The following SLC39A12 variants were observed in gnomAD, a reference collection of about 807,000 sequenced individuals.
The protein encoded by SLC39A12 is zinc transporter ZIP12.
Under a neutral mutation model 71.1 loss-of-function variants are expected in SLC39A12, and 63 were observed. The ratio of observed to expected loss-of-function variants is 0.89; its 90% CI spans 0.72 to 1.09. The LOEUF is 1.09. Among genes scored for constraint, SLC39A12 ranks in the 50% least tolerant of loss-of-function variants. The pLI is 0.00. For missense variants in SLC39A12, 892 were observed against 812.6 expected, an observed-to-expected ratio of 1.10 and a Z score of -1.19; for synonymous variants, 351 against 301.3, an observed-to-expected ratio of 1.16 and a Z score of -1.71.
chr10:17,967,728 C>T (rs373206560), intron 4 of SLC39A12, among the ~76,000 whole-genome samples: 1 of 148,878 alleles, frequency 6.7e-6, no homozygotes, highest in East Asian at 2.0e-4. Context: ...CTAAAAAATA[C>T]AAAAAAAAAT....
At chr10:17,952,441 T>A (rs1443486284) in intron 1 of SLC39A12, among the ~76,000 whole-genome samples, 2 of 152,116 alleles carry the variant, frequency 1.3e-5, no homozygotes, top group African/African-American at 4.8e-5. Context: ...ACTATTTTCT[T>A]CTAGTGCTTT....
At chr10:17,970,721 T>TAGAA (rs1834949300) in intron 4 of SLC39A12, among the ~76,000 whole-genome samples, 1 of 133,390 alleles carries the variant, frequency 7.5e-6, no homozygotes, top group African/African-American at 2.9e-5. Context: ...TGTGTGTAGG[T>TAGAA]GAAACATAAA....
At chr10:17,980,229 A>C (rs1275204047) in intron 5 of SLC39A12, among the ~76,000 whole-genome samples, 1 of 152,176 alleles carries the variant, frequency 6.6e-6, no homozygotes, top group Non-Finnish European at 1.5e-5. Flanking sequence ...TTCCTGATCA[A>C]GATAAAACTT....
At chr10:18,040,898 A>G (rs193233469) in intron 12 of SLC39A12, among the ~76,000 whole-genome samples, 2 of 152,150 alleles carry the variant, frequency 1.3e-5, no homozygotes, top group Admixed American at 1.3e-4. Flanking sequence ...CCCAGAGAAA[A>G]TTTGACTGTG....
chr10:17,971,262 C>CTCCCCTCCCT (rs1834966054), intron 4 of SLC39A12, among the ~76,000 whole-genome samples: 1 of 28,654 alleles, frequency 3.5e-5, no homozygotes. Flanking sequence ...TGGCCTGCCC[C>CTCCCCTCCCT]TCCCCTCCCC....
chr10:17,990,728 A>G (rs182540009), intron 7 of SLC39A12, among the ~76,000 whole-genome samples: 1 of 152,326 alleles, frequency 6.6e-6, no homozygotes, highest in Admixed American at 6.5e-5. Flanking sequence ...GCTATGGGGC[A>G]TGAGAATAAA....
chr10:18,040,382 T>G (rs148094531), intron 12 of SLC39A12, among the ~76,000 whole-genome samples: 35 of 152,282 alleles, frequency 2.3e-4, no homozygotes, highest in African/African-American at 8.4e-4. Context: ...TGGCAGGTCA[T>G]AGTAAACCAC....
chr10:17,953,749 T>C (rs1294290531), intron 2 of SLC39A12, among the ~76,000 whole-genome samples: 2 of 152,196 alleles, frequency 1.3e-5, no homozygotes, highest in African/African-American at 4.8e-5. Flanking sequence ...GTTGAAAGGA[T>C]GATGTTTATG....
chr10:18,030,475 G>A (rs917263291), intron 12 of SLC39A12, among the ~76,000 whole-genome samples: 4 of 151,644 alleles, frequency 2.6e-5, no homozygotes, highest in African/African-American at 4.8e-5. Flanking sequence ...TCCTGACCTC[G>A]TGATCCGCCT....
At chr10:17,978,505 C>T (rs1045112139) in intron 5 of SLC39A12, among the ~76,000 whole-genome samples, 7 of 152,162 alleles carry the variant, frequency 4.6e-5, no homozygotes, top group Non-Finnish European at 8.8e-5. Flanking sequence ...CTCTTTCAGA[C>T]TCATGTTTAT....
intron 7 of SLC39A12, among the ~76,000 whole-genome samples, chr10:17,989,402 C>T (rs1033338764): frequency 6.6e-6 from 1 of 152,342 alleles, no homozygotes; most frequent in South Asian, 2.1e-4. Flanking sequence ...GTAGAGGCGG[C>T]GGCCCAGGCC....
chr10:18,005,570 G>A (rs1345109852), intron 12 of SLC39A12: 11 of 152,176 alleles, frequency 7.2e-5, no homozygotes, highest in Admixed American at 6.5e-4. Context: ...TCTTCAAGTA[G>A]GATGAATGTC....
intron 9 of SLC39A12, among the ~76,000 whole-genome samples, chr10:17,994,463 T>C (rs1330681763): frequency 6.6e-6 from 1 of 152,160 alleles, no homozygotes; most frequent in Non-Finnish European, 1.5e-5. Flanking sequence ...AAGTCCTGAA[T>C]GTTTGGCTCT....
Position 18,000,707 on chromosome 10 carries a change from G to A in SLC39A12, c.1641G>A (p.Gly547=). 6.2e-7 allele frequency: 1 copy of A among 1,614,122 alleles called. No individual in the cohort carries two copies. Among genetic ancestry groups the A allele is most frequent in the Non-Finnish European group, 8.5e-7 (1 of 1,180,028 alleles). ...ISLLAIMILV[G]DSLHNFADGL... Reference sequence around the variant, plus strand: ...TGTTAGCAATCATGATTCTGGTTGGGGACAGCCTGCATAATTTTGCAGATG... The same window carrying A: ...TGTTAGCAATCATGATTCTGGTTGGAGACAGCCTGCATAATTTTGCAGATG... The change falls in exon 11 of 13, where the codon GGG becomes GGA. Residue 547 remains glycine, a synonymous_variant. Coordinates refer to ENST00000377369, the MANE Select transcript of SLC39A12 (RefSeq NM_001145195.2).
At chr10:17,981,856 A>C (rs1043345360) in intron 6 of SLC39A12, among the ~76,000 whole-genome samples, 10 of 152,210 alleles carry the variant, frequency 6.6e-5, no homozygotes, top group African/African-American at 2.4e-4. Context: ...AGTTGACTCA[A>C]TCATGGATCA....
At chr10:17,966,919 T>A (rs143407546) in intron 4 of SLC39A12, among the ~76,000 whole-genome samples, 2,043 of 151,896 alleles carry the variant, frequency 0.013, 40 homozygotes, top group African/African-American at 0.043. Flanking sequence ...GGTTGCGGTA[T>A]GTCGAGATTG....
intron 7 of SLC39A12, among the ~76,000 whole-genome samples, chr10:17,988,812 C>T (rs748533966): frequency 2.6e-5 from 4 of 152,220 alleles, no homozygotes; most frequent in Non-Finnish European, 5.9e-5. Context: ...ACAGCTTCCC[C>T]ACAGCTCCAC....
At chr10:17,961,985 T>G in intron 3 of SLC39A12, 123 bp downstream of exon 3, 1 of 1,016,190 alleles carries the variant, frequency 9.8e-7, no homozygotes, top group South Asian at 2.0e-5. Flanking sequence ...ATTTGTGGGT[T>G]TTGGTTATGA....
intron 10 of SLC39A12, among the ~76,000 whole-genome samples, chr10:17,998,730 T>C (rs1215095132): frequency 6.6e-6 from 1 of 152,160 alleles, no homozygotes; most frequent in Admixed American, 6.5e-5. Context: ...ACACAGTAAA[T>C]GGAGCTATCT....
Sources: gnomAD v4.1 joint callset for allele counts (sites outside exome capture counted in the v4.1 genomes callset) on GRCh38, gnomAD v4.1.1 for gene constraint, MANE v1.5 for transcripts, NCBI Gene and HGNC (gene_info 2026-07-23, HGNC 2026-07-21) for gene names.